The following RNF121 variants were observed in gnomAD, a reference collection of about 807,000 sequenced individuals.
RNF121 encodes the protein E3 ubiquitin ligase RNF121.
A neutral mutation model predicts 46.5 loss-of-function variants in RNF121; 21 were observed. That is an observed-to-expected ratio of 0.45 (90% CI 0.32 to 0.65). RNF121 has a LOEUF of 0.65. Ranked by LOEUF, RNF121 falls within the 30% of genes least tolerant of loss-of-function variation. The probability of loss-of-function intolerance (pLI) is 0.04; values close to 1 mark genes in which losing one functional copy is unlikely to be tolerated. For missense variants in RNF121, 346 were observed against 416.0 expected (o/e 0.83, Z 1.46); for synonymous variants, 139 against 144.7 (o/e 0.96, Z 0.28).
intron 3 of RNF121, among the ~76,000 whole-genome samples, chr11:71,963,871 A>G (rs914646852): frequency 7.2e-5 from 11 of 152,218 alleles, no homozygotes; most frequent in Admixed American, 2.0e-4. Flanking sequence ...CCGTTGATCT[A>G]TATGTCTGTT....
At chr11:71,936,333 C>T (rs1348482318) in intron 1 of RNF121, among the ~76,000 whole-genome samples, 1 of 152,082 alleles carries the variant, frequency 6.6e-6, no homozygotes, top group Non-Finnish European at 1.5e-5. Context: ...GGCAGATTCC[C>T]ATTTGAATTC....
chr11:71,929,554 G>A lies in RNF121; in HGVS notation c.63+430G>A, dbSNP rs145317204. ...TTGGGGACACAGACCGGGAAAGAGT[G>A]CTAATCCACTAGTAGTATAGCTTTG... is the stretch of plus-strand genomic sequence containing the variant. On this transcript the variant is annotated intron_variant, in intron 1 of 8. Coordinates refer to ENST00000361756, the MANE Select transcript of RNF121 (RefSeq NM_018320.5). Among the ~76,000 whole-genome samples, 6 of 152,290 alleles carry A rather than the reference G, an allele frequency of 3.9e-5. No homozygotes were observed. The East Asian group carries it at 1.2e-3, about 29-fold the overall frequency.
chr11:71,976,067 C>T (rs564677434), intron 3 of RNF121, among the ~76,000 whole-genome samples: 137 of 152,198 alleles, frequency 9.0e-4, no homozygotes, highest in South Asian at 6.6e-3. Context: ...GTTTATTGGG[C>T]CTCTGGATGA....
chr11:71,989,793 A>G (rs1443890863), intron 5 of RNF121, among the ~76,000 whole-genome samples: 4 of 152,144 alleles, frequency 2.6e-5, no homozygotes, highest in African/African-American at 4.8e-5. Flanking sequence ...GATTATTTAT[A>G]TTTGTAGTTT....
At chr11:71,987,617 C>T (rs1375776801) in intron 5 of RNF121, among the ~76,000 whole-genome samples, 2 of 152,176 alleles carry the variant, frequency 1.3e-5, no homozygotes, top group Admixed American at 6.5e-5. Flanking sequence ...TTGCCTGTGG[C>T]TGTTTTTCCA....
chr11:71,986,769 C>CAA (rs11315989), intron 4 of RNF121, among the ~76,000 whole-genome samples: 5 of 71,952 alleles, frequency 6.9e-5, no homozygotes, highest in South Asian at 4.6e-4. Context: ...ACTCTCATCT[C>CAA]AAAAAAAAAA....
intron 5 of RNF121, among the ~76,000 whole-genome samples, chr11:71,989,498 A>T (rs1954827996): frequency 6.6e-6 from 1 of 152,212 alleles, no homozygotes. Context: ...CTACTGATCA[A>T]ATTAAGTGGT....
chr11:71,942,623 G>A (rs1397985110), intron 1 of RNF121, among the ~76,000 whole-genome samples: 1 of 151,846 alleles, frequency 6.6e-6, no homozygotes, highest in Non-Finnish European at 1.5e-5. Context: ...AATTAGCTGG[G>A]CATGGTGGCA....
At chr11:71,952,391 G>A (rs1953901681) in intron 1 of RNF121, among the ~76,000 whole-genome samples, 1 of 152,194 alleles carries the variant, frequency 6.6e-6, no homozygotes, top group African/African-American at 2.4e-5. Context: ...CAACTTGGTG[G>A]TGATAGTGGC....
Position 71,994,939 on chromosome 11 carries a change from G to A in RNF121, c.761+87G>A, listed in dbSNP as rs867552289. On this transcript the variant is annotated intron_variant, in intron 7 of 8. Transcript: ENST00000361756. Reference sequence around the variant, plus strand: ...GAGAAAGAGGGTGGTCATGACCCTAGGCATGCTGTCCAGACCCTTGAGTGT... The same window carrying A: ...GAGAAAGAGGGTGGTCATGACCCTAAGCATGCTGTCCAGACCCTTGAGTGT... 25 of 1,560,770 alleles carry A rather than the reference G, an allele frequency of 1.6e-5. 1 individual carries two copies. The Middle Eastern group carries it at 1.6e-3, about 98-fold the overall frequency.
At chr11:71,990,115 T>C (rs7131230) in intron 5 of RNF121, among the ~76,000 whole-genome samples, 35,775 of 152,166 alleles carry the variant, frequency 0.24, 5,246 homozygotes, top group East Asian at 0.42. Flanking sequence ...TAATTTTCAG[T>C]CTCTGCACCA....
chr11:71,930,038 T>C (rs1953234613), intron 1 of RNF121, among the ~76,000 whole-genome samples: 1 of 152,198 alleles, frequency 6.6e-6, no homozygotes, highest in Non-Finnish European at 1.5e-5. Context: ...TAAAGACTGG[T>C]GTATTAAAAT....
chr11:71,948,004 T>TGAGGCCTTAGGAGTTCATAGAGGATA (rs1953766100), intron 1 of RNF121, among the ~76,000 whole-genome samples: 1 of 152,218 alleles, frequency 6.6e-6, no homozygotes, highest in Non-Finnish European at 1.5e-5. Flanking sequence ...AGGATAGTTC[T>TGAGGCCTTAGGAGTTCATAGAGGATA]GTTCTGAAAG....
At chr11:71,947,017 G>A (rs150182334) in intron 1 of RNF121, among the ~76,000 whole-genome samples, 2,513 of 151,868 alleles carry the variant, frequency 0.017, 73 homozygotes, top group African/African-American at 0.058. Flanking sequence ...ACAGGCATGC[G>A]CCACCACACC....
intron 1 of RNF121, among the ~76,000 whole-genome samples, chr11:71,937,395 C>T (rs541013936): frequency 2.6e-5 from 4 of 152,236 alleles, no homozygotes; most frequent in African/African-American, 9.6e-5. Context: ...TCACTGCAAC[C>T]TCCGCCTCCT....
chr11:71,975,231 T>C (rs1954504602), intron 3 of RNF121, among the ~76,000 whole-genome samples: 1 of 152,072 alleles, frequency 6.6e-6, no homozygotes, highest in Non-Finnish European at 1.5e-5. Context: ...TGGTAAGGGG[T>C]TGTAATTCAC....
At chr11:71,932,855 A>G (rs1287210380) in intron 1 of RNF121, among the ~76,000 whole-genome samples, 2 of 152,180 alleles carry the variant, frequency 1.3e-5, no homozygotes, top group Non-Finnish European at 2.9e-5. Flanking sequence ...GTTTTTCCAT[A>G]CAGGTCCTTT....
intron 3 of RNF121, among the ~76,000 whole-genome samples, chr11:71,973,105 G>C (rs552804785): frequency 1.3e-5 from 2 of 151,912 alleles, no homozygotes; most frequent in Non-Finnish European, 1.5e-5. Flanking sequence ...AGAATCGCTT[G>C]AATCCAAGAG....
chr11:71,986,903 C>T (rs1272845781), intron 4 of RNF121, 101 bp from the exon 5 acceptor site: 2 of 739,250 alleles, frequency 2.7e-6, no homozygotes, highest in African/African-American at 3.4e-5. Context: ...AGCAAAGACC[C>T]TGGTGTCCCC....
Sources: gnomAD v4.1 joint callset for allele counts (sites outside exome capture counted in the v4.1 genomes callset) on GRCh38, gnomAD v4.1.1 for gene constraint, MANE v1.5 for transcripts, NCBI Gene and HGNC (gene_info 2026-07-23, HGNC 2026-07-21) for gene names.